The following ACVR1 variants were observed in gnomAD, a reference collection of about 807,000 sequenced individuals.
ACVR1 encodes activin A receptor type 1.
Under a neutral mutation model 57.1 loss-of-function variants are expected in ACVR1, and 38 were observed. The observed-to-expected ratio is 0.67, with a 90% confidence interval of 0.51 to 0.87. The LOEUF is 0.87. ACVR1 is among the 40% of genes least tolerant of loss of function. The probability of loss-of-function intolerance (pLI) is 0.00; values close to 1 mark genes in which losing one functional copy is unlikely to be tolerated. For synonymous variants in ACVR1, 212 were observed against 228.1 expected, an observed-to-expected ratio of 0.93 and a Z score of 0.63; for missense variants, 463 against 638.2, an observed-to-expected ratio of 0.73 and a Z score of 2.96.
intron 1 of ACVR1, among the ~76,000 whole-genome samples, chr2:157,871,656 T>C (rs894176037): frequency 3.9e-5 from 6 of 152,172 alleles, no homozygotes; most frequent in Non-Finnish European, 8.8e-5. Context: ...TAGCCGTGGC[T>C]CTGGAAAACA....
At chr2:157,844,697 C>T (rs1031564084) in intron 1 of ACVR1, among the ~76,000 whole-genome samples, 4 of 152,114 alleles carry the variant, frequency 2.6e-5, no homozygotes, top group Admixed American at 6.5e-5. Flanking sequence ...GCAAAAGAAA[C>T]CCTTTTGACC....
At chr2:157,764,572 A>G (rs1394078222) in intron 8 of ACVR1, among the ~76,000 whole-genome samples, 2 of 152,080 alleles carry the variant, frequency 1.3e-5, no homozygotes, top group Non-Finnish European at 2.9e-5. Flanking sequence ...CAAGCCCTGG[A>G]GTTCCTCTTG....
At chr2:157,753,686 T>C (rs922907032) in intron 9 of ACVR1, among the ~76,000 whole-genome samples, 3 of 152,158 alleles carry the variant, frequency 2.0e-5, no homozygotes, top group African/African-American at 2.4e-5. Context: ...ACTTCTCTGA[T>C]AGCACTAGAT....
chr2:157,765,260 G>A (rs1426979940), intron 8 of ACVR1, among the ~76,000 whole-genome samples: 1 of 152,024 alleles, frequency 6.6e-6, no homozygotes, highest in East Asian at 1.9e-4. Flanking sequence ...ATCAGTTCGG[G>A]GATTATTTTC....
chr2:157,765,689 G>A (rs1456456789), intron 8 of ACVR1, among the ~76,000 whole-genome samples: 1 of 152,168 alleles, frequency 6.6e-6, no homozygotes. Context: ...AGGTTGATAT[G>A]GACTGATGGA....
intron 1 of ACVR1, chr2:157,874,907 A>T (rs1406881317): frequency 1.3e-5 from 2 of 151,864 alleles, no homozygotes; most frequent in Admixed American, 1.3e-4. Context: ...CAACTTTTTA[A>T]CCAAGACTTT....
At chr2:157,863,850 T>C (rs1689820354) in intron 1 of ACVR1, among the ~76,000 whole-genome samples, 1 of 151,758 alleles carries the variant, frequency 6.6e-6, no homozygotes, top group Non-Finnish European at 1.5e-5. Context: ...CATTGCTTAA[T>C]GTTGCAGGAG....
intron 7 of ACVR1, among the ~76,000 whole-genome samples, chr2:157,768,424 T>C (rs889320134): frequency 6.6e-6 from 1 of 152,190 alleles, no homozygotes; most frequent in African/African-American, 2.4e-5. Context: ...ATTAAATTAC[T>C]GTTATATATC....
chr2:157,814,068 C>T (rs1468576546), intron 2 of ACVR1, among the ~76,000 whole-genome samples: 4 of 152,188 alleles, frequency 2.6e-5, no homozygotes, highest in Middle Eastern at 3.2e-3. Context: ...TACTGTATAG[C>T]CTGGTGCTTA....
rs80256050 is a variant in ACVR1, at chr2:157,758,420, G to T, written c.1264+2460C>A. Reference sequence around the variant, plus strand: ...ATACTGTATTTTTGTTGTTGTTGTTGTTCACGTGTGGTTGAAAAAATCATG... The same window carrying T: ...ATACTGTATTTTTGTTGTTGTTGTTTTTCACGTGTGGTTGAAAAAATCATG... On this transcript the variant is annotated intron_variant, in intron 9 of 10. Coordinates refer to ENST00000434821, the MANE Select transcript of ACVR1 (RefSeq NM_001111067.4). Among the ~76,000 whole-genome samples the T allele has an allele frequency of 9.8e-3, 1,496 of 152,042 alleles. 11 individuals carry two copies. Among genetic ancestry groups the T allele is most frequent in the Middle Eastern group, 0.034 (10 of 294 alleles).
intron 1 of ACVR1, among the ~76,000 whole-genome samples, chr2:157,845,912 T>C (rs1038000306): frequency 6.6e-6 from 1 of 152,186 alleles, no homozygotes; most frequent in Non-Finnish European, 1.5e-5. Flanking sequence ...GAAAAATTAA[T>C]CTAGCATTAA....
At position 157,818,552 on chromosome 2, in the gene ACVR1, G is replaced by A. The variant is rs1240054412; in HGVS notation, c.-175C>T. ...CTTTGGCAGTGTGACGCTTACCAAT[G>A]CTCCAGGCTGCAGAGGGAAAGAAGA... On this transcript the variant is annotated 5_prime_UTR_variant, in exon 2 of 11. Transcript: ENST00000434821. 1.3e-5 allele frequency: 2 copies of A among 152,266 alleles called. No homozygotes were observed. The highest frequency in any genetic ancestry group is 6.5e-5 in the Admixed American group (1 of 15,292). 9.4% of individuals were successfully genotyped at this position (152,266 alleles called of 1,614,324 possible).
intron 2 of ACVR1, among the ~76,000 whole-genome samples, chr2:157,811,491 G>A (rs569908825): frequency 3.3e-5 from 5 of 152,122 alleles, no homozygotes; most frequent in South Asian, 2.1e-4. Flanking sequence ...AACAGAAAGC[G>A]TAATATGCCT....
intron 1 of ACVR1, among the ~76,000 whole-genome samples, chr2:157,831,257 G>A (rs1024580197): frequency 2.6e-5 from 4 of 152,146 alleles, no homozygotes; most frequent in Admixed American, 2.6e-4. Context: ...GGAGGCAATG[G>A]CCAAAGACAA....
rs886054985 is a variant in ACVR1 at position 157,737,031 on chromosome 2, C to T, written c.*500G>A. ...TATCCAAAGACAGACCAGTGGAGTA[C>T]GCAGCCAACATTTTGGCAAGTTGGG... On this transcript the variant is annotated 3_prime_UTR_variant, in exon 11 of 11. Transcript: ENST00000434821. 5 of 293,908 alleles carry T rather than the reference C, an allele frequency of 1.7e-5. No individual in the cohort carries two copies. Among genetic ancestry groups the T allele is most frequent in the African/African-American group, 8.4e-5 (4 of 47,592 alleles). 18.2% of individuals were successfully genotyped at this position (293,908 alleles called of 1,614,324 possible).
intron 1 of ACVR1, among the ~76,000 whole-genome samples, chr2:157,852,183 G>A (rs1464522484): frequency 6.6e-6 from 1 of 151,864 alleles, no homozygotes; most frequent in Non-Finnish European, 1.5e-5. Flanking sequence ...GAGAATTGGG[G>A]AGAAAGAACA....
chr2:157,796,990 C>T (rs1009261247), intron 3 of ACVR1, among the ~76,000 whole-genome samples: 1 of 152,170 alleles, frequency 6.6e-6, no homozygotes, highest in Non-Finnish European at 1.5e-5. Flanking sequence ...TGGTCTATAA[C>T]AGCACTGGCC....
In ACVR1 at chr2:157,863,336, C is replaced by CTTTTTTTTTT. The variant is rs1161335923; in HGVS notation, c.-183+12450_-183+12459dup. On this transcript the variant is annotated intron_variant, in intron 1 of 10. Coordinates refer to ENST00000434821, the MANE Select transcript of ACVR1 (RefSeq NM_001111067.4). ...CCTATAGAACAGTTAAATTGTTTCT[C>CTTTTTTTTTT]TTTTTTTTTTTTTTTTTTTTTTTTT... Among the ~76,000 whole-genome samples, 31 of 35,686 alleles carry CTTTTTTTTTT rather than the reference C, an allele frequency of 8.7e-4. 7 individuals carry two copies. The highest frequency in any genetic ancestry group is 1.3e-3 in the Non-Finnish European group (28 of 20,822). The allele number at this position is 35,686 out of a possible 152,430, so 23.4% of individuals were successfully genotyped here.
chr2:157,737,338 A>C lies in ACVR1; in HGVS notation c.*193T>G, dbSNP rs1684571107. The C allele has an allele frequency of 1.5e-6, 1 of 679,270 alleles. No homozygotes were observed. Among genetic ancestry groups the C allele is most frequent in the Non-Finnish European group, 2.6e-6 (1 of 384,600 alleles). 42.1% of individuals were successfully genotyped at this position (679,270 alleles called of 1,614,324 possible). On this transcript the variant is annotated 3_prime_UTR_variant, in exon 11 of 11. Transcript: ENST00000434821. Reference sequence around the variant, plus strand: ...ACAGTTCGTGAAATGCCCAGTTCACAGTCATCGAGCGAGGTTAGGGTGGTT... The same window carrying C: ...ACAGTTCGTGAAATGCCCAGTTCACCGTCATCGAGCGAGGTTAGGGTGGTT...
Sources: gnomAD v4.1 joint callset for allele counts (sites outside exome capture counted in the v4.1 genomes callset) on GRCh38, gnomAD v4.1.1 for gene constraint, MANE v1.5 for transcripts, NCBI Gene and HGNC (gene_info 2026-07-23, HGNC 2026-07-21) for gene names.